The following HOGA1 variants were observed in gnomAD, a reference collection of about 807,000 sequenced individuals.
HOGA1 encodes the protein 4-hydroxy-2-oxoglutarate aldolase 1.
HOGA1 carries 30 observed loss-of-function variants against 34.3 expected under a neutral mutation model. That is an observed-to-expected ratio of 0.87 (90% CI 0.65 to 1.19). The LOEUF is 1.19. Ranked by LOEUF, HOGA1 falls within the 50% of genes most tolerant of loss-of-function variation. HOGA1 has a pLI of 0.00. For synonymous variants in HOGA1, 161 were observed against 174.0 expected (o/e 0.93, Z 0.59); for missense variants, 417 against 436.5 (o/e 0.96, Z 0.40).
At chr10:97,597,807 A>T (rs7897051) in intron 1 of HOGA1, among the ~76,000 whole-genome samples, 5,429 of 152,108 alleles carry the variant, frequency 0.036, 156 homozygotes, top group Middle Eastern at 0.092. Context: ...AAACTACACA[A>T]ATTAGTTGGG....
At chr10:97,600,026 A>G (rs774579806) in intron 4 of HOGA1, 41 bp from the exon 5 acceptor site, 8 of 1,588,242 alleles carry the variant, frequency 5.0e-6, no homozygotes, top group African/African-American at 1.3e-5. Flanking sequence ...ATCCAGGATG[A>G]GGCTCTGGGC....
chr10:97,585,962 C>T (rs1328749750), intron 1 of HOGA1, among the ~76,000 whole-genome samples: 4 of 152,116 alleles, frequency 2.6e-5, no homozygotes, highest in African/African-American at 7.2e-5. Context: ...CATAGTGAAA[C>T]CCCGTCTCTA....
Position 97,600,088 on chromosome 10 carries a change from G to A in HOGA1, c.625G>A (p.Val209Ile). Residue 209 changes from valine (V) to isoleucine (I), a missense_variant, in exon 5 of 7, where the codon GTT becomes ATT. Transcript: ENST00000370646. ...GCAGGTGACCAGGATTGGGCTGATT[G>A]TTCACAAGACCAGGAAGCAGGATTT... Reference protein sequence around the residue: ...GGDVTRIGLIVHKTRKQDFQV... With the variant: ...GGDVTRIGLIIHKTRKQDFQV... 2 of 1,614,136 alleles carry A rather than the reference G, an allele frequency of 1.2e-6. No individual in the cohort carries two copies. Among genetic ancestry groups the A allele is most frequent in the Non-Finnish European group, 1.7e-6 (2 of 1,180,016 alleles).
chr10:97,605,516 T>G (rs1477804416), intron 6 of HOGA1, among the ~76,000 whole-genome samples: 1 of 152,222 alleles, frequency 6.6e-6, no homozygotes, highest in African/African-American at 2.4e-5. Context: ...GCTGTACTAT[T>G]TTAAATTTAC....
In HOGA1 at chr10:97,595,938, G is replaced by A. The variant is rs116730830; in HGVS notation, c.212-2837G>A. 4.7e-3 allele frequency among the ~76,000 whole-genome samples: 714 copies of A among 152,302 alleles called. 6 individuals are homozygous for A. Among genetic ancestry groups the A allele is most frequent in the African/African-American group, 0.016 (683 of 41,568 alleles). Reference sequence around the variant, plus strand: ...TCACACCTGGACATCTAACCAGGGTGAAGGAGGGGCTCTTTGGGGTACCCA... The same window carrying A: ...TCACACCTGGACATCTAACCAGGGTAAAGGAGGGGCTCTTTGGGGTACCCA... On this transcript the variant is annotated intron_variant, in intron 1 of 6. Transcript: ENST00000370646.
At chr10:97,593,037 A>AAAAAAAAAAAAAAAAAG (rs2041040000) in intron 1 of HOGA1, among the ~76,000 whole-genome samples, 1 of 150,102 alleles carries the variant, frequency 6.7e-6, no homozygotes, top group Admixed American at 6.6e-5. Flanking sequence ...CTCAAAAAAA[A>AAAAAAAAAAAAAAAAAG]AAAAAAAAAA....
chr10:97,600,466 C>T, intron 5 of HOGA1: 1 of 468,872 alleles, frequency 2.1e-6, no homozygotes, highest in South Asian at 2.1e-5. Context: ...CTGCTCTAAT[C>T]CCACCTTGTA....
At chr10:97,600,489 AG>A (rs2041107865) in intron 5 of HOGA1, 12 of 418,182 alleles carry the variant, frequency 2.9e-5, no homozygotes, top group South Asian at 2.7e-4. Flanking sequence ...TCATTCTCTG[AG>A]GGCAGAGGCC....
At chr10:97,590,996 C>T (rs552271499) in intron 1 of HOGA1, 6 of 187,296 alleles carry the variant, frequency 3.2e-5, no homozygotes, top group East Asian at 1.6e-4. Flanking sequence ...GAGGGGGCTC[C>T]CTCTCCAGCA....
At chr10:97,590,003 A>G in intron 1 of HOGA1, 6 of 1,614,192 alleles carry the variant, frequency 3.7e-6, no homozygotes, top group Non-Finnish European at 5.1e-6. Flanking sequence ...AAGCTGGATT[A>G]AATCCCACTT....
At chr10:97,607,605 G>A (rs1204763974) in intron 6 of HOGA1, among the ~76,000 whole-genome samples, 4 of 152,086 alleles carry the variant, frequency 2.6e-5, no homozygotes, top group African/African-American at 9.7e-5. Context: ...TCCCTTGTTG[G>A]TCTTCCTTCT....
chr10:97,589,040 G>T (rs914166017), intron 1 of HOGA1, among the ~76,000 whole-genome samples: 3 of 152,124 alleles, frequency 2.0e-5, no homozygotes, highest in Non-Finnish European at 4.4e-5. Flanking sequence ...TTCTGGGTTT[G>T]TAGGTGCCTC....
At chr10:97,605,763 C>T (rs370084819) in intron 6 of HOGA1, among the ~76,000 whole-genome samples, 27 of 152,086 alleles carry the variant, frequency 1.8e-4, no homozygotes, top group East Asian at 7.7e-4. Context: ...ATATTTCTTA[C>T]GCATTTTGAA....
chr10:97,598,694 T>C (rs2041089579), intron 1 of HOGA1, 81 bp from the exon 2 acceptor site: 3 of 1,528,874 alleles, frequency 2.0e-6, no homozygotes, highest in African/African-American at 2.7e-5. Flanking sequence ...TGAAAGATTA[T>C]GGTGTCGTAA....
chr10:97,604,440 T>A lies in HOGA1; in HGVS notation c.834+2450T>A, dbSNP rs565866512. On this transcript the variant is annotated intron_variant, in intron 6 of 6. Transcript: ENST00000370646. ...TGGCTCAAGCAATCCTCCCAGCTTA[T>A]CCTCCCAAGTAGCTGGGACAACAGG... Among the ~76,000 whole-genome samples, 15 of 152,144 alleles carry A rather than the reference T, an allele frequency of 9.9e-5. 1 individual carries two copies. In the South Asian group the frequency reaches 3.1e-3, roughly 32 times the overall value.
At chr10:97,610,950 A>G (rs2041190882) in intron 6 of HOGA1, among the ~76,000 whole-genome samples, 1 of 152,246 alleles carries the variant, frequency 6.6e-6, no homozygotes. Flanking sequence ...AATGACATAC[A>G]GTTTATACAA....
chr10:97,602,135 T>C (rs1345235760), intron 6 of HOGA1, 145 bp downstream of exon 6: 2 of 1,549,550 alleles, frequency 1.3e-6, no homozygotes, highest in South Asian at 2.4e-5. Flanking sequence ...GTGTGGGAAC[T>C]CCTTGTGACT....
intron 1 of HOGA1, among the ~76,000 whole-genome samples, chr10:97,587,336 C>A (rs1291635169): frequency 6.6e-6 from 1 of 152,136 alleles, no homozygotes; most frequent in African/African-American, 2.4e-5. Flanking sequence ...CCTGTAATCC[C>A]AGCACTTTGG....
At chr10:97,609,104 GTT>G (rs1205358478) in intron 6 of HOGA1, among the ~76,000 whole-genome samples, 1 of 152,146 alleles carries the variant, frequency 6.6e-6, no homozygotes. Context: ...CTATAAATAG[GTT>G]ATAAGAACTT....
Sources: gnomAD v4.1 joint callset for allele counts (sites outside exome capture counted in the v4.1 genomes callset) on GRCh38, gnomAD v4.1.1 for gene constraint, MANE v1.5 for transcripts, NCBI Gene and HGNC (gene_info 2026-07-23, HGNC 2026-07-21) for gene names.